Variants in FBXO11 observed in about 807,000 individuals in gnomAD.
The protein encoded by FBXO11 is F-box only protein 11.
FBXO11 carries 13 observed loss-of-function variants against 117.0 expected under a neutral mutation model. That is an observed-to-expected ratio of 0.11 (90% confidence interval 0.07 to 0.18). FBXO11 has a LOEUF of 0.18. Among genes scored for constraint, FBXO11 ranks in the 10% least tolerant of loss-of-function variants. The pLI is 1.00. For synonymous variants in FBXO11, 490 were observed against 380.5 expected (o/e 1.29, Z -3.35); for missense variants, 767 against 1,164.4 (o/e 0.66, Z 4.97).
chr2:47,895,488 G>A (rs919571623), intron 1 of FBXO11, among the ~76,000 whole-genome samples: 3 of 152,114 alleles, frequency 2.0e-5, no homozygotes, highest in African/African-American at 7.2e-5. Context: ...ATGGGGTTGG[G>A]AACAGTGACT....
chr2:47,904,122 A>G (rs1001531684), intron 1 of FBXO11, among the ~76,000 whole-genome samples: 4 of 152,234 alleles, frequency 2.6e-5, no homozygotes, highest in African/African-American at 9.6e-5. Context: ...GTGATCAAGT[A>G]TAACAATGAA....
intron 14 of FBXO11, among the ~76,000 whole-genome samples, chr2:47,820,109 A>C (rs1357239338): frequency 4.6e-5 from 7 of 152,236 alleles, no homozygotes; most frequent in African/African-American, 7.2e-5. Context: ...CTTTAATAAA[A>C]AGGTGTTTCT....
chr2:47,844,410 A>T (rs926677459), intron 1 of FBXO11, among the ~76,000 whole-genome samples: 1 of 152,164 alleles, frequency 6.6e-6, no homozygotes, highest in Non-Finnish European at 1.5e-5. Context: ...TGTTTCAGAT[A>T]TATTTTGAAA....
intron 1 of FBXO11, among the ~76,000 whole-genome samples, chr2:47,904,608 ACACACACACACAC>A (rs1678597979): frequency 2.6e-5 from 4 of 151,044 alleles, no homozygotes; most frequent in African/African-American, 7.3e-5. Flanking sequence ...ACACACACAC[ACACACACACACAC>A]AAAATATCCC....
rs747644534 is a variant in FBXO11 at position 47,813,214 on chromosome 2, T to C, written c.2227+20A>G. 5.6e-6 allele frequency: 9 copies of C among 1,611,510 alleles called. No homozygotes were observed. Among genetic ancestry groups the C allele is most frequent in the Non-Finnish European group, 7.6e-6 (9 of 1,178,000 alleles). The stretch of plus-strand genomic sequence containing the variant: ...AATGGAAAACTGGATTTTTCACTAA[T>C]GCAAAATTAACAACAATACCTCGAC... On this transcript the variant is annotated intron_variant, in intron 18 of 22. Transcript: ENST00000403359.
chr2:47,898,279 C>T (rs927308176), intron 1 of FBXO11, among the ~76,000 whole-genome samples: 2 of 152,178 alleles, frequency 1.3e-5, no homozygotes, highest in Admixed American at 6.5e-5. Context: ...TAGTTGGTTT[C>T]ATTTCTCTAT....
chr2:47,838,710 C>G (rs1246752637), intron 4 of FBXO11, 149 bp downstream of exon 4: 6 of 631,300 alleles, frequency 9.5e-6, no homozygotes, highest in African/African-American at 7.4e-5. Context: ...ACTGACAGCC[C>G]CCATTTGTAA....
At chr2:47,896,183 AAGTC>A (rs967083060) in intron 1 of FBXO11, among the ~76,000 whole-genome samples, 1 of 152,196 alleles carries the variant, frequency 6.6e-6, no homozygotes, top group Non-Finnish European at 1.5e-5. Context: ...AAAAATTTAA[AAGTC>A]AGAAAAAGAT....
intron 1 of FBXO11, among the ~76,000 whole-genome samples, chr2:47,846,388 A>T (rs943249516): frequency 6.6e-6 from 1 of 152,160 alleles, no homozygotes; most frequent in South Asian, 2.1e-4. Flanking sequence ...AATTGCTTGA[A>T]CCTGGAAGAA....
chr2:47,868,319 A>G (rs1675354875), intron 1 of FBXO11, among the ~76,000 whole-genome samples: 2 of 150,242 alleles, frequency 1.3e-5, no homozygotes, highest in South Asian at 4.2e-4. Context: ...AATCAAGACT[A>G]TGTGAAATCT....
chr2:47,851,214 C>G (rs1043427288), intron 1 of FBXO11, among the ~76,000 whole-genome samples: 7 of 152,078 alleles, frequency 4.6e-5, no homozygotes, highest in Non-Finnish European at 8.8e-5. Context: ...TAACTAAATG[C>G]TATTAATTTT....
intron 1 of FBXO11, among the ~76,000 whole-genome samples, chr2:47,842,528 AAGT>A (rs1458226081): frequency 6.6e-6 from 1 of 152,140 alleles, no homozygotes; most frequent in African/African-American, 2.4e-5. Flanking sequence ...TAATATTTAA[AAGT>A]AGAGATTTCC....
chr2:47,837,899 T>C (rs1672710855), intron 4 of FBXO11, among the ~76,000 whole-genome samples: 1 of 151,854 alleles, frequency 6.6e-6, no homozygotes, highest in African/African-American at 2.4e-5. Context: ...CCTGGCCTCT[T>C]TTCACTTTTT....
chr2:47,822,432 T>A, intron 12 of FBXO11, 129 bp from the exon 13 acceptor site: 1 of 598,098 alleles, frequency 1.7e-6, no homozygotes, highest in Non-Finnish European at 2.9e-6. Flanking sequence ...ATTTCTTCAT[T>A]ATTTCTAAGG....
rs1359557962 is a variant in FBXO11 at position 47,807,417 on chromosome 2, G to C, written c.*701C>G. The C allele has an allele frequency of 1.9e-5, 4 of 205,802 alleles. No homozygotes were observed. Among genetic ancestry groups the C allele is most frequent in the Non-Finnish European group, 4.0e-5 (4 of 100,682 alleles). 12.7% of individuals were successfully genotyped at this position (205,802 alleles called of 1,614,324 possible). On this transcript the variant is annotated 3_prime_UTR_variant, in exon 23 of 23. Transcript: ENST00000403359. ...AGGGGTGATTTTGAATGCTGCACAGGGAAGGGAAGGAAATAATAGTCTTAA... is the reference window on the plus strand; with the variant it reads ...AGGGGTGATTTTGAATGCTGCACAGCGAAGGGAAGGAAATAATAGTCTTAA...
intron 18 of FBXO11, among the ~76,000 whole-genome samples, chr2:47,811,922 A>C (rs931708422): frequency 6.6e-6 from 1 of 152,098 alleles, no homozygotes; most frequent in Non-Finnish European, 1.5e-5. Context: ...TGTCCTTTTA[A>C]GTATCATTAA....
At chr2:47,861,767 C>T (rs897317877) in intron 1 of FBXO11, among the ~76,000 whole-genome samples, 4 of 152,064 alleles carry the variant, frequency 2.6e-5, no homozygotes, top group African/African-American at 9.7e-5. Flanking sequence ...ACAAGGATGA[C>T]GGATGCATTA....
intron 1 of FBXO11, among the ~76,000 whole-genome samples, chr2:47,903,029 C>T (rs1678418004): frequency 6.6e-6 from 1 of 152,068 alleles, no homozygotes; most frequent in South Asian, 2.1e-4. Flanking sequence ...AAATCCCTTT[C>T]TTTCCAAACT....
At chr2:47,823,121 AC>A (rs765872412) in intron 12 of FBXO11, 21 bp downstream of exon 12, 1 of 1,535,142 alleles carries the variant, frequency 6.5e-7, no homozygotes, top group East Asian at 2.3e-5. Flanking sequence ...AGTAATTTTC[AC>A]CCATAATTAT....
Sources: gnomAD v4.1 joint callset for allele counts (sites outside exome capture counted in the v4.1 genomes callset) on GRCh38, gnomAD v4.1.1 for gene constraint, MANE v1.5 for transcripts, NCBI Gene and HGNC (gene_info 2026-07-23, HGNC 2026-07-21) for gene names.